Variants in LIMCH1 observed in about 807,000 individuals in gnomAD.
LIMCH1 encodes the protein LIM and calponin homology domains-containing protein 1.
A neutral mutation model predicts 176.5 loss-of-function variants in LIMCH1; 113 were observed. That is an observed-to-expected ratio of 0.64 (90% CI 0.55 to 0.75). The LOEUF (loss-of-function observed/expected upper bound fraction) is 0.75. LIMCH1 is among the 30% of genes least tolerant of loss of function. LIMCH1 has a pLI of 0.00. For synonymous variants in LIMCH1, 619 were observed against 645.9 expected, an observed-to-expected ratio of 0.96 and a Z score of 0.63; for missense variants, 1,674 against 1,814.9, an observed-to-expected ratio of 0.92 and a Z score of 1.41.
rs142934472 is a variant in LIMCH1 at position 41,447,456 on chromosome 4, A to G, written c.97-47080A>G. On this transcript the variant is annotated intron_variant, in intron 1 of 26. Transcript: ENST00000313860. ...TTTTATTATTAATGCAGTGATGTCA[A>G]TCCAAACTAGATGACTGTGATTCAT... 4.6e-5 allele frequency among the ~76,000 whole-genome samples: 7 copies of G among 152,342 alleles called. No individual in the cohort carries two copies. In the East Asian group the frequency reaches 1.4e-3, roughly 29 times the overall value.
intron 2 of LIMCH1, among the ~76,000 whole-genome samples, chr4:41,495,065 T>C (rs902713841): frequency 6.6e-6 from 1 of 152,216 alleles, no homozygotes; most frequent in Non-Finnish European, 1.5e-5. Flanking sequence ...ATTTCAAATA[T>C]GTTTAATCTG....
At chr4:41,632,705 G>T in intron 10 of LIMCH1, 44 bp from the exon 11 acceptor site, 3 of 1,457,522 alleles carry the variant, frequency 2.1e-6, no homozygotes, top group Non-Finnish European at 1.9e-6. Flanking sequence ...CGTAACCCAT[G>T]TTCCTCTCCT....
intron 2 of LIMCH1, among the ~76,000 whole-genome samples, chr4:41,508,994 A>G (rs2074508136): frequency 6.6e-6 from 1 of 152,198 alleles, no homozygotes; most frequent in East Asian, 1.9e-4. Context: ...ACATGCAATC[A>G]TTTTCTGAAA....
At chr4:41,622,931 A>G (rs1052911320) in intron 7 of LIMCH1, among the ~76,000 whole-genome samples, 2 of 152,180 alleles carry the variant, frequency 1.3e-5, no homozygotes, top group African/African-American at 4.8e-5. Context: ...CCCAATAGCA[A>G]CACAACACAG....
At chr4:41,683,360 G>A (rs981723535) in intron 26 of LIMCH1, among the ~76,000 whole-genome samples, 1 of 152,142 alleles carries the variant, frequency 6.6e-6, no homozygotes, top group African/African-American at 2.4e-5. Flanking sequence ...GACTCTGGTT[G>A]TGGCTGAGGG....
chr4:41,693,838 A>C (rs915147272), intron 31 of LIMCH1, among the ~76,000 whole-genome samples: 52 of 152,292 alleles, frequency 3.4e-4, no homozygotes, highest in African/African-American at 1.2e-3. Context: ...CTGCTCAGAA[A>C]GATTTGAAAA....
chr4:41,666,543 C>G lies in LIMCH1; in HGVS notation c.3292-18C>G, dbSNP rs746272977. ...TGGACAGTTCTTGCAATATTTATAC[C>G]TGTTTTCCATTGTCCAGGTGGTAAA... On this transcript the variant is annotated intron_variant, in intron 20 of 31. Transcript: ENST00000503057. 5.9e-6 allele frequency: 9 copies of G among 1,536,710 alleles called. No homozygotes were observed. Among genetic ancestry groups the G allele is most frequent in the Non-Finnish European group, 6.3e-6 (7 of 1,109,766 alleles).
In LIMCH1 at chr4:41,473,493, C is replaced by T. The variant is rs375096123; in HGVS notation, c.97-21043C>T. On this transcript the variant is annotated intron_variant, in intron 1 of 26. Coordinates refer to the LIMCH1 transcript ENST00000313860. ...GTTTTGCTGGTTCTACTGATCACCT[C>T]CCTTGCAGTGTAATCAAGAGTCTAG... Among the ~76,000 whole-genome samples the T allele has an allele frequency of 7.9e-5, 12 of 152,342 alleles. No homozygotes were observed. The East Asian group carries it at 1.9e-3, about 24-fold the overall frequency.
intron 1 of LIMCH1, chr4:41,361,036 C>A: frequency 1.4e-6 from 1 of 731,120 alleles, no homozygotes; most frequent in Non-Finnish European, 2.1e-6. Context: ...CCCCCAACCG[C>A]CCCCACTTTC....
chr4:41,392,758 G>A (rs932995257), intron 1 of LIMCH1, among the ~76,000 whole-genome samples: 10 of 141,828 alleles, frequency 7.1e-5, no homozygotes, highest in African/African-American at 1.5e-4. Flanking sequence ...TAGGCCAGGC[G>A]CAGTGGCTTA....
intron 21 of LIMCH1, among the ~76,000 whole-genome samples, chr4:41,667,789 T>G (rs1024527900): frequency 6.6e-6 from 1 of 152,048 alleles, no homozygotes; most frequent in African/African-American, 2.4e-5. Flanking sequence ...GGGACTATGC[T>G]TCAAAACAAC....
chr4:41,673,139 C>G (rs2095107482), intron 22 of LIMCH1, among the ~76,000 whole-genome samples: 1 of 152,090 alleles, frequency 6.6e-6, no homozygotes. Context: ...GTTGCATAAC[C>G]CTTGATGTCC....
intron 4 of LIMCH1, among the ~76,000 whole-genome samples, chr4:41,607,148 C>G (rs1174628436): frequency 6.6e-6 from 1 of 152,146 alleles, no homozygotes; most frequent in Non-Finnish European, 1.5e-5. Flanking sequence ...ATAATTGAGG[C>G]CTTACTCTTC....
chr4:41,639,057 G>A, intron 14 of LIMCH1, 90 bp downstream of exon 14: 4 of 952,884 alleles, frequency 4.2e-6, no homozygotes, highest in East Asian at 2.7e-5. Context: ...TGCAACTGAT[G>A]CAAGTGAACT....
chr4:41,422,515 T>A (rs2060697836), intron 1 of LIMCH1, among the ~76,000 whole-genome samples: 1 of 151,954 alleles, frequency 6.6e-6, no homozygotes, highest in Non-Finnish European at 1.5e-5. Context: ...ATTTTAAATA[T>A]GCTTTAAAGG....
intron 1 of LIMCH1, among the ~76,000 whole-genome samples, chr4:41,369,734 T>C (rs1300231292): frequency 6.6e-6 from 1 of 151,846 alleles, no homozygotes; most frequent in Non-Finnish European, 1.5e-5. Context: ...CCCAGAGCCC[T>C]GTGGCCAAGG....
chr4:41,691,774 AAAAT>A (rs940794796), intron 30 of LIMCH1, among the ~76,000 whole-genome samples: 43 of 152,238 alleles, frequency 2.8e-4, no homozygotes, highest in African/African-American at 9.4e-4. Context: ...AAAAATAAAT[AAAAT>A]AAACAAATGG....
intron 2 of LIMCH1, among the ~76,000 whole-genome samples, chr4:41,519,407 A>T (rs1583422423): frequency 6.6e-6 from 1 of 152,204 alleles, no homozygotes; most frequent in African/African-American, 2.4e-5. Flanking sequence ...TTAGAATGTA[A>T]AAGTTTAGTA....
intron 3 of LIMCH1, among the ~76,000 whole-genome samples, chr4:41,527,808 G>C (rs1464698200): frequency 1.6e-5 from 2 of 126,648 alleles, no homozygotes; most frequent in African/African-American, 3.3e-5. Context: ...GGGCGACAGA[G>C]CGAGACTCCG....
Sources: allele counts gnomAD v4.1 joint callset (sites outside exome capture counted in the v4.1 genomes callset), GRCh38; gene constraint gnomAD v4.1.1; transcripts MANE v1.5; gene names NCBI Gene and HGNC (gene_info 2026-07-23, HGNC 2026-07-21).